PDE6D: variants seen among roughly 807,000 people sequenced by gnomAD.
PDE6D encodes phosphodiesterase 6D.
In PDE6D, 10 loss-of-function variants were observed where a neutral mutation model predicts 21.9. The observed-to-expected ratio is 0.46, with a 90% CI of 0.28 to 0.78. The LOEUF is 0.78. Among genes scored for constraint, PDE6D ranks in the 30% least tolerant of loss-of-function variants. The probability of loss-of-function intolerance (pLI) is 0.12; values close to 1 mark genes in which losing one functional copy is unlikely to be tolerated. For synonymous variants in PDE6D, 59 were observed against 63.5 expected, an observed-to-expected ratio of 0.93 and a Z score of 0.34; for missense variants, 139 against 184.8, an observed-to-expected ratio of 0.75 and a Z score of 1.44.
intron 1 of PDE6D, among the ~76,000 whole-genome samples, chr2:231,768,134 T>G (rs1289117828): frequency 6.6e-6 from 1 of 151,996 alleles, no homozygotes; most frequent in Non-Finnish European, 1.5e-5. Flanking sequence ...TGTGAGCCAC[T>G]GTATCTGCCA....
chr2:231,759,381 T>G (rs1027808503), intron 1 of PDE6D, among the ~76,000 whole-genome samples: 9 of 151,940 alleles, frequency 5.9e-5, no homozygotes, highest in Non-Finnish European at 1.2e-4. Flanking sequence ...GGAAATAAGA[T>G]TTTAGAGATT....
chr2:231,742,664 T>A (rs550312666), intron 1 of PDE6D, among the ~76,000 whole-genome samples: 1 of 152,288 alleles, frequency 6.6e-6, no homozygotes, highest in South Asian at 2.1e-4. Context: ...ATGTGTCTTT[T>A]TTTTGGTTTT....
chr2:231,760,010 A>G (rs571011018), intron 1 of PDE6D, among the ~76,000 whole-genome samples: 1 of 152,358 alleles, frequency 6.6e-6, no homozygotes, highest in Admixed American at 6.5e-5. Flanking sequence ...AAAGATATTC[A>G]TAAGTCACTA....
In PDE6D at chr2:231,739,028, T is replaced by G; in HGVS notation, c.139+72A>C. 2 of 926,506 alleles carry G rather than the reference T, an allele frequency of 2.2e-6. No individual in the cohort carries two copies. The highest frequency in any genetic ancestry group is 1.8e-5 in the Admixed American group (1 of 55,164). The allele number at this position is 926,506 out of a possible 1,614,324, so 57.4% of individuals were successfully genotyped here. On this transcript the variant is annotated intron_variant, in intron 2 of 4. Coordinates refer to ENST00000287600, the MANE Select transcript of PDE6D (RefSeq NM_002601.4). This position sits in a 1 kb window ranked among gnomAD's most constrained non-coding sequence, Gnocchi z 4.2. Reference sequence around the variant, plus strand: ...ACCCGCCTATTAGGTATGTGTTAACTTAGCTCTCTTATGCTCAGGTGCTAG... The same window carrying G: ...ACCCGCCTATTAGGTATGTGTTAACGTAGCTCTCTTATGCTCAGGTGCTAG...
chr2:231,743,854 G>A (rs2048770623), intron 1 of PDE6D, among the ~76,000 whole-genome samples: 1 of 152,112 alleles, frequency 6.6e-6, no homozygotes, highest in Admixed American at 6.6e-5. Flanking sequence ...AACGGCAGAA[G>A]GAAAACAACA....
chr2:231,763,102 GT>G (rs1453744425), intron 1 of PDE6D, among the ~76,000 whole-genome samples: 1 of 152,134 alleles, frequency 6.6e-6, no homozygotes, highest in Non-Finnish European at 1.5e-5. Flanking sequence ...AAATAAATAG[GT>G]TGACATCTTT....
At chr2:231,753,965 T>C (rs2048863094) in intron 1 of PDE6D, among the ~76,000 whole-genome samples, 1 of 152,214 alleles carries the variant, frequency 6.6e-6, no homozygotes, top group Admixed American at 6.5e-5. Context: ...TATGCCCCTC[T>C]ATGCACTCTG....
intron 4 of PDE6D, among the ~76,000 whole-genome samples, chr2:231,735,601 T>C (rs1380652212): frequency 6.6e-5 from 10 of 151,444 alleles, no homozygotes; most frequent in Non-Finnish European, 1.5e-4. Flanking sequence ...CCCAGCCTCT[T>C]ACAAAATCTA....
chr2:231,737,948 G>C, intron 3 of PDE6D, 65 bp downstream of exon 3: 1 of 1,475,762 alleles, frequency 6.8e-7, no homozygotes, highest in Non-Finnish European at 9.3e-7. Context: ...TAGTTCACTG[G>C]GTATTGTTGC....
chr2:231,740,959 AG>A (rs2048743821), intron 1 of PDE6D, among the ~76,000 whole-genome samples: 1 of 151,218 alleles, frequency 6.6e-6, no homozygotes. Flanking sequence ...ACCAACATGG[AG>A]AAACCCCATC....
Position 231,777,922 on chromosome 2 carries a change from A to G in PDE6D, c.50+3143T>C, listed in dbSNP as rs531976030. 3.9e-5 allele frequency among the ~76,000 whole-genome samples: 6 copies of G among 152,378 alleles called. No individual in the cohort carries two copies. In the South Asian group the frequency reaches 6.2e-4, roughly 16 times the overall value. On this transcript the variant is annotated intron_variant, in intron 1 of 4. Coordinates refer to ENST00000287600, the MANE Select transcript of PDE6D (RefSeq NM_002601.4). ...AGGATATTTAGTTAATCTTGGGATA[A>G]GAAAGATCTTTTTAAACAAGATACA...
intron 1 of PDE6D, among the ~76,000 whole-genome samples, chr2:231,746,781 C>T (rs558249291): frequency 1.1e-4 from 17 of 152,002 alleles, no homozygotes; most frequent in African/African-American, 3.9e-4. Context: ...ACAGGAGAGA[C>T]ACAGGGACGG....
intron 1 of PDE6D, among the ~76,000 whole-genome samples, chr2:231,759,488 AGAG>A (rs1246503865): frequency 6.6e-6 from 1 of 152,136 alleles, no homozygotes; most frequent in African/African-American, 2.4e-5. Flanking sequence ...ATGGGGGAGA[AGAG>A]GAGCAGGCAG....
At position 231,739,626 on chromosome 2, in the gene PDE6D, T is replaced by C. The variant is rs1400362379; in HGVS notation, c.51-438A>G. ...ACAGAACTCTCAAATTGCTTTGTAG[T>C]GGCCCCCTCTGTTTTTTTTTTTTGA... On this transcript the variant is annotated intron_variant, in intron 1 of 4. Transcript: ENST00000287600. The surrounding 1 kb of genome is among the most constrained non-coding windows in gnomAD (Gnocchi z 4.2). Among the ~76,000 whole-genome samples, 1 of 141,048 alleles carries C rather than the reference T, an allele frequency of 7.1e-6. No individual in the cohort carries two copies. Among genetic ancestry groups the C allele is most frequent in the Non-Finnish European group, 1.5e-5 (1 of 65,398 alleles). 92.5% of individuals were successfully genotyped at this position (141,048 alleles called of 152,430 possible). A position where few individuals can be genotyped will look rare whatever the true frequency, so the allele number is the denominator to read the frequency against.
chr2:231,743,909 G>A (rs2048771028), intron 1 of PDE6D, among the ~76,000 whole-genome samples: 1 of 152,096 alleles, frequency 6.6e-6, no homozygotes, highest in African/African-American at 2.4e-5. Context: ...GATCTAAACT[G>A]TCCCAGGCAG....
intron 1 of PDE6D, among the ~76,000 whole-genome samples, chr2:231,749,039 C>A (rs1046272442): frequency 1.3e-5 from 2 of 152,198 alleles, no homozygotes; most frequent in Non-Finnish European, 2.9e-5. Flanking sequence ...CACACAGAGT[C>A]CCTACTGGGG....
Position 231,739,426 on chromosome 2 carries a change from G to A in PDE6D, c.51-238C>T. The A allele has an allele frequency of 5.2e-6, 3 of 577,294 alleles. No homozygotes were observed. The highest frequency in any genetic ancestry group is 3.4e-4 in the Middle Eastern group (1 of 2,970). The allele number at this position is 577,294 out of a possible 1,614,324, so 35.8% of individuals were successfully genotyped here. ...AGAATCCTAAGACTGCACACACCTA[G>A]AGACTGCAAGAAAGGGACAGAAAAC... On this transcript the variant is annotated intron_variant, in intron 1 of 4. Coordinates refer to ENST00000287600, the MANE Select transcript of PDE6D (RefSeq NM_002601.4). This position sits in a 1 kb window ranked among gnomAD's most constrained non-coding sequence, Gnocchi z 4.2.
intron 3 of PDE6D, chr2:231,737,529 G>A: frequency 1.2e-5 from 5 of 434,596 alleles, no homozygotes; most frequent in Non-Finnish European, 2.1e-5. Context: ...GGACCAGCGA[G>A]CAGGACACAA....
At chr2:231,762,178 T>C (rs2048936070) in intron 1 of PDE6D, among the ~76,000 whole-genome samples, 1 of 152,320 alleles carries the variant, frequency 6.6e-6, no homozygotes, top group Non-Finnish European at 1.5e-5. Context: ...ACTTCCCTGT[T>C]GTAAGTTGCA....
Sources: gnomAD v4.1 joint callset for allele counts (sites outside exome capture counted in the v4.1 genomes callset) on GRCh38, gnomAD v4.1.1 for gene constraint, Gnocchi (gnomAD v3.1) non-coding constraint, MANE v1.5 for transcripts, NCBI Gene and HGNC (gene_info 2026-07-23, HGNC 2026-07-21) for gene names.